Variants in SYT16 observed in about 807,000 individuals in gnomAD.
The protein encoded by SYT16 is synaptotagmin-16.
A neutral mutation model predicts 61.4 loss-of-function variants in SYT16; 42 were observed. That is an observed-to-expected ratio of 0.68 (90% confidence interval 0.53 to 0.89). The LOEUF is 0.89. Ranked by LOEUF, SYT16 falls within the 40% of genes least tolerant of loss-of-function variation. The pLI is 0.00. For synonymous variants in SYT16, 314 were observed against 302.3 expected (o/e 1.04, Z -0.40); for missense variants, 804 against 807.3 (o/e 1.00, Z 0.05).
At chr14:61,851,857 G>C (rs1165287672) in intron 1 of SYT16, among the ~76,000 whole-genome samples, 1 of 152,104 alleles carries the variant, frequency 6.6e-6, no homozygotes, top group Admixed American at 6.5e-5. Context: ...CCATTCTGTA[G>C]CTTATCTCTT....
intron 1 of SYT16, among the ~76,000 whole-genome samples, chr14:61,914,045 A>G (rs948358982): frequency 3.3e-5 from 5 of 152,012 alleles, no homozygotes; most frequent in Non-Finnish European, 7.4e-5. Flanking sequence ...AGCCTCTCCT[A>G]TTTTTCCTAT....
chr14:62,053,323 C>G (rs1436674136), intron 3 of SYT16, among the ~76,000 whole-genome samples: 1 of 152,208 alleles, frequency 6.6e-6, no homozygotes, highest in Non-Finnish European at 1.5e-5. Context: ...CTGAAACTTA[C>G]ATCATCTGCT....
At chr14:62,046,935 G>T (rs542732097) in intron 3 of SYT16, among the ~76,000 whole-genome samples, 1 of 152,152 alleles carries the variant, frequency 6.6e-6, no homozygotes, top group African/African-American at 2.4e-5. Flanking sequence ...TGGGCAATGC[G>T]GGCTCTTTTT....
At chr14:62,039,285 C>A (rs73262261) in intron 3 of SYT16, among the ~76,000 whole-genome samples, 10,354 of 152,188 alleles carry the variant, frequency 0.068, 834 homozygotes, top group African/African-American at 0.2. Flanking sequence ...GTTGAAAAGA[C>A]AAGGCATGAG....
intron 4 of SYT16, among the ~76,000 whole-genome samples, chr14:62,074,596 G>T (rs1260225388): frequency 2.0e-5 from 3 of 152,220 alleles, no homozygotes; most frequent in Non-Finnish European, 2.9e-5. Flanking sequence ...AAGATTCAGA[G>T]AATTTGAATA....
chr14:61,822,515 A>G (rs1363001849), intron 1 of SYT16, among the ~76,000 whole-genome samples: 1 of 152,222 alleles, frequency 6.6e-6, no homozygotes, highest in South Asian at 2.1e-4. Context: ...ACTGTTAACC[A>G]TTGCAGGTGG....
chr14:62,042,391 G>C (rs923935634), intron 3 of SYT16, among the ~76,000 whole-genome samples: 1 of 152,204 alleles, frequency 6.6e-6, no homozygotes, highest in East Asian at 1.9e-4. Context: ...GTTCCAGGAT[G>C]TTGTTAAGTT....
chr14:62,099,983 G>A (rs1406347253), intron 7 of SYT16, among the ~76,000 whole-genome samples: 3 of 152,132 alleles, frequency 2.0e-5, no homozygotes, highest in African/African-American at 4.8e-5. Context: ...CTCCAATTCA[G>A]GCATAAAATA....
intron 3 of SYT16, among the ~76,000 whole-genome samples, chr14:62,064,334 GAAAA>G (rs781727444): frequency 0.022 from 942 of 42,962 alleles, 5 homozygotes; most frequent in East Asian, 0.064. Context: ...CTTTAAATTT[GAAAA>G]AAAAAAAAAA....
intron 4 of SYT16, among the ~76,000 whole-genome samples, chr14:62,070,310 A>T (rs1566818402): frequency 6.6e-6 from 1 of 152,232 alleles, no homozygotes; most frequent in Non-Finnish European, 1.5e-5. Flanking sequence ...TATCTTTCAA[A>T]TAAAAAAAGT....
At chr14:62,014,983 A>C (rs1380281761) in intron 3 of SYT16, among the ~76,000 whole-genome samples, 1 of 152,164 alleles carries the variant, frequency 6.6e-6, no homozygotes, top group Admixed American at 6.5e-5. Context: ...CTTCCTCGTG[A>C]AAACTGTTCA....
At chr14:61,933,943 G>A (rs930023632) in intron 1 of SYT16, among the ~76,000 whole-genome samples, 3 of 151,766 alleles carry the variant, frequency 2.0e-5, no homozygotes, top group African/African-American at 4.8e-5. Context: ...ATATACACAC[G>A]TACACATGCA....
chr14:61,985,564 A>G (rs1424258625), intron 2 of SYT16, among the ~76,000 whole-genome samples: 1 of 152,178 alleles, frequency 6.6e-6, no homozygotes, highest in Non-Finnish European at 1.5e-5. Context: ...AGACAGACCA[A>G]TTTCAGCAGT....
rs548615291 is a variant in SYT16 at position 62,000,761 on chromosome 14, A to G, written c.523+4219A>G. On this transcript the variant is annotated intron_variant, in intron 3 of 7. Coordinates refer to ENST00000683842, the MANE Select transcript of SYT16 (RefSeq NM_001367656.1). ...ATGGATCTTTAATTAACTTCAGTCT[A>G]TCTTGAAATAATACTGTACTATTTC... is the stretch of plus-strand genomic sequence containing the variant. Among the ~76,000 whole-genome samples, 14 of 152,252 alleles carry G rather than the reference A, an allele frequency of 9.2e-5. No individual in the cohort carries two copies. In the East Asian group the frequency reaches 1.9e-3, roughly 21 times the overall value.
At chr14:61,836,365 A>G (rs1286165441) in intron 1 of SYT16, among the ~76,000 whole-genome samples, 5 of 152,222 alleles carry the variant, frequency 3.3e-5, no homozygotes, top group Admixed American at 2.6e-4. Context: ...CATTTGCCTT[A>G]ATTCACACAA....
chr14:61,901,318 G>C (rs528762365), intron 1 of SYT16, among the ~76,000 whole-genome samples: 1 of 152,198 alleles, frequency 6.6e-6, no homozygotes, highest in Non-Finnish European at 1.5e-5. Context: ...TACAAGGCAC[G>C]TAATATGTGC....
At chr14:62,088,876 T>C (rs143787863) in intron 7 of SYT16, among the ~76,000 whole-genome samples, 11 of 152,178 alleles carry the variant, frequency 7.2e-5, no homozygotes, top group African/African-American at 2.4e-4. Context: ...TAGTGTGGTA[T>C]GAAGTAGATA....
chr14:61,901,471 T>A (rs2048511882), intron 1 of SYT16, among the ~76,000 whole-genome samples: 1 of 150,954 alleles, frequency 6.6e-6, no homozygotes, highest in Non-Finnish European at 1.5e-5. Flanking sequence ...TGAGACAGAT[T>A]TTGAACTCTG....
At chr14:61,824,587 C>T (rs1373980215) in intron 1 of SYT16, among the ~76,000 whole-genome samples, 1 of 152,172 alleles carries the variant, frequency 6.6e-6, no homozygotes, top group African/African-American at 2.4e-5. Context: ...CTCCTGACCT[C>T]ATGATCCGCC....
Sources: gnomAD v4.1 joint callset for allele counts (sites outside exome capture counted in the v4.1 genomes callset) on GRCh38, gnomAD v4.1.1 for gene constraint, MANE v1.5 for transcripts, NCBI Gene and HGNC (gene_info 2026-07-23, HGNC 2026-07-21) for gene names.